The following BABAM2 variants were observed in gnomAD, a reference collection of about 807,000 sequenced individuals.
The protein encoded by BABAM2 is BRISC and BRCA1-A complex member 2.
A neutral mutation model predicts 54.7 loss-of-function variants in BABAM2; 31 were observed. That is an observed-to-expected ratio of 0.57 (90% CI 0.43 to 0.77). The LOEUF is 0.77. Ranked by LOEUF, BABAM2 falls within the 30% of genes least tolerant of loss-of-function variation. The pLI, the probability that BABAM2 is intolerant of heterozygous loss-of-function variation, is 0.00. For missense variants in BABAM2, 364 were observed against 455.8 expected (o/e 0.80, Z 1.83); for synonymous variants, 167 against 162.9 (o/e 1.03, Z -0.19).
At chr2:28,175,616 G>C (rs1237350373) in intron 7 of BABAM2, among the ~76,000 whole-genome samples, 3 of 152,224 alleles carry the variant, frequency 2.0e-5, no homozygotes, top group Non-Finnish European at 4.4e-5. Context: ...CACAGCCACT[G>C]CTAACACAAA....
chr2:28,100,534 G>A (rs1666995124), intron 6 of BABAM2, among the ~76,000 whole-genome samples: 1 of 150,822 alleles, frequency 6.6e-6, no homozygotes, highest in South Asian at 2.1e-4. Context: ...ATGCTTTTGT[G>A]TATATGTGTA....
At chr2:28,083,279 A>G (rs967903714) in intron 6 of BABAM2, among the ~76,000 whole-genome samples, 2 of 152,156 alleles carry the variant, frequency 1.3e-5, no homozygotes, top group Non-Finnish European at 2.9e-5. Flanking sequence ...TGCTGATTGC[A>G]TGCTTAGCCT....
intron 11 of BABAM2, among the ~76,000 whole-genome samples, chr2:28,333,537 A>G (rs1691149189): frequency 6.6e-6 from 1 of 152,196 alleles, no homozygotes; most frequent in Non-Finnish European, 1.5e-5. Flanking sequence ...CTCTGAATTC[A>G]TGGGAAACCT....
chr2:28,134,573 C>G (rs1014621464), intron 7 of BABAM2: 1 of 152,246 alleles, frequency 6.6e-6, no homozygotes, highest in Non-Finnish European at 1.5e-5. Flanking sequence ...GACTTCAGCC[C>G]TGAGGCAGAC....
chr2:28,147,477 C>CTT (rs777132243), intron 7 of BABAM2, among the ~76,000 whole-genome samples: 4 of 142,890 alleles, frequency 2.8e-5, no homozygotes, highest in Non-Finnish European at 4.6e-5. Flanking sequence ...TTAGGAAAAT[C>CTT]TTTTTTTTTT....
intron 10 of BABAM2, among the ~76,000 whole-genome samples, chr2:28,292,100 C>T (rs181457436): frequency 1.5e-3 from 222 of 152,336 alleles, no homozygotes; most frequent in Non-Finnish European, 2.8e-3. Context: ...ATAACCATAA[C>T]CACCACAAAG....
intron 7 of BABAM2, among the ~76,000 whole-genome samples, chr2:28,158,438 A>G (rs983227297): frequency 5.9e-5 from 9 of 152,252 alleles, no homozygotes; most frequent in African/African-American, 2.2e-4. Context: ...TGTTGTAGTA[A>G]TAAGGTAGCT....
In BABAM2 at chr2:28,321,954, A is replaced by C. The variant is rs377044810; in HGVS notation, c.1089-16496A>C. ...GATAAAGTGAGTTTAAAAAAAAAAA[A>C]AACTAGATCGATTATTGTCTGGCTT... On this transcript the variant is annotated intron_variant, in intron 11 of 11. Coordinates refer to ENST00000379624, the MANE Select transcript of BABAM2 (RefSeq NM_199191.3). Among the ~76,000 whole-genome samples the C allele has an allele frequency of 1.6e-4, 25 of 152,190 alleles. No homozygotes were observed. The East Asian group carries it at 2.9e-3, about 18-fold the overall frequency.
chr2:28,050,695 G>A (rs2148620414), intron 6 of BABAM2, among the ~76,000 whole-genome samples: 1 of 152,222 alleles, frequency 6.6e-6, no homozygotes, highest in Middle Eastern at 3.4e-3. Flanking sequence ...TAACTTGTAC[G>A]CTACCTGCCC....
At chr2:28,261,485 A>T (rs1293730890) in intron 10 of BABAM2, among the ~76,000 whole-genome samples, 1 of 151,410 alleles carries the variant, frequency 6.6e-6, no homozygotes, top group African/African-American at 2.4e-5. Context: ...GCCCGCCACC[A>T]CACCCGGTTA....
Position 27,980,896 on chromosome 2 carries a change from T to A in BABAM2, c.206-7097T>A, listed in dbSNP as rs190671095. 8.5e-4 allele frequency among the ~76,000 whole-genome samples: 129 copies of A among 152,252 alleles called. 1 individual carries two copies. In the East Asian group the frequency reaches 0.018, roughly 21 times the overall value. On this transcript the variant is annotated intron_variant, in intron 3 of 11. Coordinates refer to ENST00000379624, the MANE Select transcript of BABAM2 (RefSeq NM_199191.3). The stretch of plus-strand genomic sequence containing the variant: ...TGTATTTCAAAATAAAGAGTGGAAT[T>A]GGAATTTTCTTAACACAAAGAAATG...
intron 9 of BABAM2, among the ~76,000 whole-genome samples, chr2:28,242,515 C>T (rs575488419): frequency 1.3e-5 from 2 of 152,302 alleles, no homozygotes; most frequent in East Asian, 1.9e-4. Context: ...TACCCATTGT[C>T]GTTAACGAGG....
chr2:27,952,498 A>G (rs1304064483), intron 3 of BABAM2, among the ~76,000 whole-genome samples: 1 of 152,188 alleles, frequency 6.6e-6, no homozygotes, highest in Non-Finnish European at 1.5e-5. Flanking sequence ...TGGCCTCATA[A>G]TGAAGGGTGT....
chr2:27,889,789 A>G (rs899647199), upstream of BABAM2, among the ~76,000 whole-genome samples: 2 of 152,182 alleles, frequency 1.3e-5, no homozygotes, highest in African/African-American at 4.8e-5. Flanking sequence ...TATTTTATAC[A>G]ATAAGCTCAG....
At chr2:27,993,646 AGGTTGGAAACC>A (rs1672929651) in intron 4 of BABAM2, among the ~76,000 whole-genome samples, 1 of 152,180 alleles carries the variant, frequency 6.6e-6, no homozygotes, top group Admixed American at 6.5e-5. Flanking sequence ...CAATTATAGT[AGGTTGGAAACC>A]TCTGCTATCT....
At chr2:28,218,425 C>T (rs1283548221) in intron 7 of BABAM2, among the ~76,000 whole-genome samples, 1 of 152,208 alleles carries the variant, frequency 6.6e-6, no homozygotes, top group Non-Finnish European at 1.5e-5. Context: ...TTTTTTAAAT[C>T]CGGAACAGTT....
chr2:28,243,018 A>G (rs1682587852), intron 9 of BABAM2, among the ~76,000 whole-genome samples: 2 of 152,226 alleles, frequency 1.3e-5, no homozygotes, highest in Non-Finnish European at 1.5e-5. Flanking sequence ...CACACACCCC[A>G]GAAGTTACAC....
intron 6 of BABAM2, among the ~76,000 whole-genome samples, chr2:28,114,958 C>T (rs564109807): frequency 6.6e-6 from 1 of 152,186 alleles, no homozygotes; most frequent in South Asian, 2.1e-4. Context: ...AATTTACTGG[C>T]AAATATATGT....
intron 6 of BABAM2, among the ~76,000 whole-genome samples, chr2:28,047,520 C>T (rs1677674684): frequency 6.6e-6 from 1 of 152,170 alleles, no homozygotes; most frequent in African/African-American, 2.4e-5. Context: ...TGCCTCTGCT[C>T]ATATTCTTGA....
Sources: gnomAD v4.1 joint callset for allele counts (sites outside exome capture counted in the v4.1 genomes callset) on GRCh38, gnomAD v4.1.1 for gene constraint, MANE v1.5 for transcripts, NCBI Gene and HGNC (gene_info 2026-07-23, HGNC 2026-07-21) for gene names.